Variants in HDAC9 observed in about 807,000 individuals in gnomAD.
HDAC9 encodes the protein histone deacetylase 9, also known as MEF-2 interacting transcription repressor (MITR) protein.
HDAC9 carries 41 observed loss-of-function variants against 139.4 expected under a neutral mutation model. That is an observed-to-expected ratio of 0.29 (90% confidence interval 0.23 to 0.38). The LOEUF (loss-of-function observed/expected upper bound fraction) is 0.38. Ranked by LOEUF, HDAC9 falls within the 10% of genes least tolerant of loss-of-function variation. HDAC9 has a pLI of 1.00. For missense variants in HDAC9, 1,147 were observed against 1,297.0 expected (o/e 0.88, Z 1.78); for synonymous variants, 517 against 476.2 (o/e 1.09, Z -1.12).
At chr7:18,850,879 G>C (rs1797237449) in intron 21 of HDAC9, among the ~76,000 whole-genome samples, 1 of 152,176 alleles carries the variant, frequency 6.6e-6, no homozygotes, top group African/African-American at 2.4e-5. Flanking sequence ...GTGGAAGGGT[G>C]AGGCAACTCT....
In HDAC9 at chr7:18,295,647, G is replaced by T. The variant is rs559244917; in HGVS notation, c.-42+5132G>T. Among the ~76,000 whole-genome samples the T allele has an allele frequency of 9.9e-5, 15 of 152,248 alleles. No homozygotes were observed. In the South Asian group the frequency reaches 3.1e-3, roughly 32 times the overall value. Reference sequence around the variant, plus strand: ...CTTCCTTGGAAGTGCAAAAGTACTTGAAATCAGCACTTTCTTCTTGTGTAT... The same window carrying T: ...CTTCCTTGGAAGTGCAAAAGTACTTTAAATCAGCACTTTCTTCTTGTGTAT... On this transcript the variant is annotated intron_variant, in intron 1 of 3. Transcript: ENST00000413509.
At chr7:18,858,222 G>A (rs969222031) in intron 21 of HDAC9, among the ~76,000 whole-genome samples, 1 of 152,130 alleles carries the variant, frequency 6.6e-6, no homozygotes, top group African/African-American at 2.4e-5. Flanking sequence ...GATAATCAAT[G>A]TATTACTCAA....
intron 2 of HDAC9, among the ~76,000 whole-genome samples, chr7:18,566,626 A>G (rs1822447898): frequency 6.6e-6 from 1 of 152,244 alleles, no homozygotes; most frequent in South Asian, 2.1e-4. Flanking sequence ...TGAGAAACCC[A>G]GGATCCATAG....
intron 1 of HDAC9, among the ~76,000 whole-genome samples, chr7:18,331,778 G>A (rs995319455): frequency 4.6e-5 from 7 of 151,582 alleles, no homozygotes; most frequent in African/African-American, 1.5e-4. Context: ...GACTAGAACT[G>A]TCCTTTTAAA....
At chr7:18,515,768 T>C (rs1802987286) in intron 2 of HDAC9, among the ~76,000 whole-genome samples, 3 of 152,234 alleles carry the variant, frequency 2.0e-5, no homozygotes, top group Admixed American at 2.0e-4. Context: ...GGTTGACATA[T>C]AATAATTGCT....
In HDAC9 at chr7:18,732,506, T is replaced by TAC. The variant is rs568456995; in HGVS notation, c.1909+4751_1909+4752dup. ...GTATATATGTGTATATATGTGTATATACATATATACACTGTATGTATGTGT... is the reference window on the plus strand; with the variant it reads ...GTATATATGTGTATATATGTGTATATACACATATATACACTGTATGTATGTGT... On this transcript the variant is annotated intron_variant, in intron 13 of 25. Coordinates refer to ENST00000686413, the MANE Select transcript of HDAC9 (RefSeq NM_178425.4). Among the ~76,000 whole-genome samples, 263 of 151,020 alleles carry TAC rather than the reference T, an allele frequency of 1.7e-3. 2 individuals are homozygous for TAC. The highest frequency in any genetic ancestry group is 5.3e-3 in the African/African-American group (220 of 41,200).
At chr7:18,754,524 G>C (rs190512127) in intron 14 of HDAC9, among the ~76,000 whole-genome samples, 1 of 152,184 alleles carries the variant, frequency 6.6e-6, no homozygotes, top group African/African-American at 2.4e-5. Context: ...TAATGCTTTT[G>C]TTGGATTACA....
chr7:18,164,269 G>A (rs1429593216), intron 2 of HDAC9, among the ~76,000 whole-genome samples: 1 of 152,032 alleles, frequency 6.6e-6, no homozygotes, highest in Non-Finnish European at 1.5e-5. Context: ...AATTCACTTT[G>A]CATGGATAAA....
intron 2 of HDAC9, among the ~76,000 whole-genome samples, chr7:18,262,074 T>C (rs887678838): frequency 6.6e-6 from 1 of 152,224 alleles, no homozygotes; most frequent in Non-Finnish European, 1.5e-5. Context: ...TGAACACTGA[T>C]AATACTAAAA....
Position 18,147,702 on chromosome 7 carries a change from G to A in HDAC9, c.-96-14527G>A, listed in dbSNP as rs532565554. ...TGCTCTTTGTAAAATTTCACTCACT[G>A]TCCAGAGTTAGCCATTATCCTGAGT... is the stretch of plus-strand genomic sequence containing the variant. On this transcript the variant is annotated intron_variant, in intron 1 of 12. Transcript: ENST00000417496. Among the ~76,000 whole-genome samples the A allele has an allele frequency of 7.9e-5, 12 of 151,682 alleles. No individual in the cohort carries two copies. In the East Asian group the frequency reaches 1.7e-3, roughly 22 times the overall value.
At chr7:18,984,532 G>A (rs1018979719) in intron 25 of HDAC9, among the ~76,000 whole-genome samples, 2 of 151,982 alleles carry the variant, frequency 1.3e-5, no homozygotes, top group African/African-American at 4.8e-5. Context: ...ACTACTAAAG[G>A]GACAGCCAAG....
At chr7:18,128,631 C>T (rs1205316494) in intron 1 of HDAC9, among the ~76,000 whole-genome samples, 2 of 152,042 alleles carry the variant, frequency 1.3e-5, no homozygotes, top group Admixed American at 6.6e-5. Flanking sequence ...AAAGGCTGTT[C>T]CCCAAGGTCT....
chr7:18,264,348 A>G (rs1381943164), intron 2 of HDAC9, among the ~76,000 whole-genome samples: 1 of 152,236 alleles, frequency 6.6e-6, no homozygotes, highest in Admixed American at 6.5e-5. Flanking sequence ...GAATGAAATT[A>G]GAAATTAAAA....
chr7:18,583,732 C>T (rs957966590), intron 2 of HDAC9, among the ~76,000 whole-genome samples: 15 of 152,054 alleles, frequency 9.9e-5, no homozygotes, highest in East Asian at 3.9e-4. Context: ...ACAGCCTGGA[C>T]GAAAAAGTGA....
intron 1 of HDAC9, among the ~76,000 whole-genome samples, chr7:18,131,376 C>A (rs1784990690): frequency 6.6e-6 from 1 of 152,120 alleles, no homozygotes; most frequent in African/African-American, 2.4e-5. Flanking sequence ...CTGCAGTCTG[C>A]TGAAAATCAA....
intron 22 of HDAC9, among the ~76,000 whole-genome samples, chr7:18,923,708 G>A (rs529734352): frequency 1.3e-5 from 2 of 152,024 alleles, no homozygotes; most frequent in African/African-American, 2.4e-5. Context: ...TTGGATATTG[G>A]GCTTCACTCA....
intron 22 of HDAC9, among the ~76,000 whole-genome samples, chr7:18,879,426 A>G (rs1799559828): frequency 6.6e-6 from 1 of 152,198 alleles, no homozygotes; most frequent in Non-Finnish European, 1.5e-5. Flanking sequence ...TCCAGGCTAC[A>G]GTAGCCAAAA....
chr7:18,426,418 C>T (rs1363502399), intron 1 of HDAC9, among the ~76,000 whole-genome samples: 1 of 152,148 alleles, frequency 6.6e-6, no homozygotes. Context: ...AACAATGATA[C>T]TTAATATTAA....
intron 1 of HDAC9, among the ~76,000 whole-genome samples, chr7:18,296,026 C>G (rs775122098): frequency 6.6e-6 from 1 of 152,122 alleles, no homozygotes; most frequent in Non-Finnish European, 1.5e-5. Context: ...AGATCCTTTA[C>G]TGCCTTTTTT....
Sources: gnomAD v4.1 joint callset for allele counts (sites outside exome capture counted in the v4.1 genomes callset) on GRCh38, gnomAD v4.1.1 for gene constraint, MANE v1.5 for transcripts, NCBI Gene and HGNC (gene_info 2026-07-23, HGNC 2026-07-21) for gene names.